RFX4: variants seen among roughly 807,000 people sequenced by gnomAD.
RFX4 encodes regulatory factor X4, also known as transcription factor RFX4.
RFX4 carries 10 observed loss-of-function variants against 95.0 expected under a neutral mutation model. That is an observed-to-expected ratio of 0.11 (90% CI 0.06 to 0.18). The LOEUF (loss-of-function observed/expected upper bound fraction) is 0.18, where lower values mean the gene tolerates loss of function less well. RFX4 is among the 10% of genes least tolerant of loss of function. RFX4 has a pLI of 1.00. For missense variants in RFX4, 640 were observed against 922.0 expected (o/e 0.69, Z 3.96); for synonymous variants, 321 against 340.7 (o/e 0.94, Z 0.64).
chr12:106,657,736 A>G (rs2040988287), intron 4 of RFX4, among the ~76,000 whole-genome samples: 1 of 152,140 alleles, frequency 6.6e-6, no homozygotes, highest in Non-Finnish European at 1.5e-5. Context: ...GCGTTTTTTG[A>G]AACTGTCAAG....
At chr12:106,613,986 A>G (rs1327982513) in intron 2 of RFX4, among the ~76,000 whole-genome samples, 1 of 152,184 alleles carries the variant, frequency 6.6e-6, no homozygotes, top group Admixed American at 6.5e-5. Context: ...ATCAATTTAT[A>G]AGTTTCAGTG....
intron 13 of RFX4, among the ~76,000 whole-genome samples, chr12:106,725,843 A>G (rs2042484815): frequency 6.6e-6 from 1 of 152,170 alleles, no homozygotes; most frequent in Non-Finnish European, 1.5e-5. Flanking sequence ...TCTTCCTCCA[A>G]AAAAAATTAG....
intron 8 of RFX4, among the ~76,000 whole-genome samples, chr12:106,700,295 G>A (rs955179854): frequency 1.2e-4 from 18 of 151,882 alleles, no homozygotes; most frequent in East Asian, 5.8e-4. Flanking sequence ...GTCTCCCAAC[G>A]CGTTGGGATT....
At chr12:106,584,519 C>A (rs1479373072) in intron 1 of RFX4, among the ~76,000 whole-genome samples, 1 of 152,148 alleles carries the variant, frequency 6.6e-6, no homozygotes, top group Non-Finnish European at 1.5e-5. Flanking sequence ...GCCTTCCAGC[C>A]CCGGCCGTCC....
intron 5 of RFX4, among the ~76,000 whole-genome samples, chr12:106,685,381 G>A (rs1050485980): frequency 6.6e-6 from 1 of 152,148 alleles, no homozygotes; most frequent in African/African-American, 2.4e-5. Flanking sequence ...GATCTTGGGT[G>A]CATGACTTAA....
At position 106,586,897 on chromosome 12, in the gene RFX4, C is replaced by T. The variant is rs1439770953; in HGVS notation, c.43+3534C>T. On this transcript the variant is annotated intron_variant, in intron 1 of 17. Coordinates refer to ENST00000392842, the MANE Select transcript of RFX4 (RefSeq NM_213594.3). The surrounding 1 kb of genome is among the most constrained non-coding windows in gnomAD (Gnocchi z 5.6). ...TGGGGAAGGAGCCACTGTCTGCGGG[C>T]TTGGGAGAGCAAGGAGCCGGAGGTC... Among the ~76,000 whole-genome samples the T allele has an allele frequency of 6.6e-6, 1 of 152,232 alleles. No homozygotes were observed. Among genetic ancestry groups the T allele is most frequent in the Non-Finnish European group, 1.5e-5 (1 of 68,046 alleles).
intron 4 of RFX4, among the ~76,000 whole-genome samples, chr12:106,668,397 G>A (rs993886343): frequency 1.3e-5 from 2 of 152,112 alleles, no homozygotes; most frequent in African/African-American, 4.8e-5. Context: ...CTATCAGGGA[G>A]GCAAGAAAAT....
chr12:106,685,911 A>G (rs992845071), intron 5 of RFX4, among the ~76,000 whole-genome samples: 1 of 152,260 alleles, frequency 6.6e-6, no homozygotes, highest in African/African-American at 2.4e-5. Flanking sequence ...TAGCCAATAT[A>G]TAATGCTCAA....
Position 106,650,514 on chromosome 12 carries a change from C to T in RFX4, c.192-3714C>T, listed in dbSNP as rs1477603844. ...TTGGGAGGCTGAGGTGGGAGGATCA[C>T]TTGAGGTCAGGAGTTCGAGACCAGC... On this transcript the variant is annotated intron_variant, in intron 3 of 17. Transcript: ENST00000392842. Among the ~76,000 whole-genome samples the T allele has an allele frequency of 3.3e-5, 5 of 152,156 alleles. No individual in the cohort carries two copies. The East Asian group carries it at 5.8e-4, about 18-fold the overall frequency.
intron 1 of RFX4, among the ~76,000 whole-genome samples, chr12:106,588,614 G>T (rs2039496203): frequency 6.6e-6 from 1 of 152,140 alleles, no homozygotes; most frequent in Non-Finnish European, 1.5e-5. Context: ...AGAATGGATT[G>T]GGTGTAAAAA....
intron 15 of RFX4, among the ~76,000 whole-genome samples, chr12:106,745,403 A>G (rs992972087): frequency 9.9e-5 from 15 of 152,194 alleles, no homozygotes; most frequent in African/African-American, 3.6e-4. Context: ...TTTGCATTCT[A>G]AAAGATTCTT....
intron 17 of RFX4, 56 bp from the exon 18 acceptor site, chr12:106,761,141 G>A: frequency 6.4e-7 from 1 of 1,556,002 alleles, no homozygotes; most frequent in African/African-American, 1.4e-5. Context: ...CTGATATTGT[G>A]TATATGCAAC....
chr12:106,587,216 G>C (rs1001216391), intron 1 of RFX4, among the ~76,000 whole-genome samples: 1 of 152,218 alleles, frequency 6.6e-6, no homozygotes, highest in East Asian at 1.9e-4. Flanking sequence ...TACCCGGCCT[G>C]CAGGTCCCAG....
At chr12:106,656,830 A>T (rs1008538087) in intron 4 of RFX4, among the ~76,000 whole-genome samples, 1 of 152,242 alleles carries the variant, frequency 6.6e-6, no homozygotes, top group Non-Finnish European at 1.5e-5. Flanking sequence ...TTTTCTGAAC[A>T]ATACATTTCC....
intron 13 of RFX4, among the ~76,000 whole-genome samples, chr12:106,727,994 T>G (rs1009356114): frequency 1.4e-4 from 22 of 152,204 alleles, no homozygotes; most frequent in Admixed American, 5.2e-4. Flanking sequence ...ACATACACAT[T>G]CACACAATTC....
At chr12:106,677,812 G>A (rs953388104) in intron 4 of RFX4, among the ~76,000 whole-genome samples, 1 of 152,108 alleles carries the variant, frequency 6.6e-6, no homozygotes, top group Middle Eastern at 3.2e-3. Context: ...GATCACAGTG[G>A]ACTAGTGCAG....
intron 2 of RFX4, among the ~76,000 whole-genome samples, chr12:106,619,371 A>G (rs1341159186): frequency 6.6e-6 from 1 of 152,076 alleles, no homozygotes; most frequent in Admixed American, 6.6e-5. Context: ...GACTTTTTTT[A>G]ATTTTAATTT....
chr12:106,656,975 C>T (rs969708825), intron 4 of RFX4, among the ~76,000 whole-genome samples: 6 of 152,210 alleles, frequency 3.9e-5, no homozygotes, highest in African/African-American at 1.4e-4. Context: ...CTCTGTGCAG[C>T]TGCCTTGCCA....
In RFX4 at chr12:106,638,898, T is replaced by G. The variant is rs532188523; in HGVS notation, c.131-434T>G. Among the ~76,000 whole-genome samples, 15 of 152,296 alleles carry G rather than the reference T, an allele frequency of 9.8e-5. 1 individual carries two copies. In the South Asian group the frequency reaches 2.3e-3, roughly 23 times the overall value. ...ACTTCCTAAAGGCCCCACCTTCAAATATCATCATCATCTGGGGGATTAGGT... is the reference window on the plus strand; with the variant it reads ...ACTTCCTAAAGGCCCCACCTTCAAAGATCATCATCATCTGGGGGATTAGGT... On this transcript the variant is annotated intron_variant, in intron 2 of 17. Transcript: ENST00000392842.
Sources: gnomAD v4.1 joint callset for allele counts (sites outside exome capture counted in the v4.1 genomes callset) on GRCh38, gnomAD v4.1.1 for gene constraint, Gnocchi (gnomAD v3.1) non-coding constraint, MANE v1.5 for transcripts, NCBI Gene and HGNC (gene_info 2026-07-23, HGNC 2026-07-21) for gene names.